Variants in TMEM232 observed in about 807,000 individuals in gnomAD.
TMEM232 encodes the protein transmembrane protein 232.
In TMEM232, 80 loss-of-function variants were observed where a neutral mutation model predicts 78.8. The observed-to-expected ratio is 1.01, with a 90% CI of 0.85 to 1.22. The LOEUF (loss-of-function observed/expected upper bound fraction) is 1.22, where lower values mean the gene tolerates loss of function less well. TMEM232 is among the 50% of genes most tolerant of loss of function. The probability of loss-of-function intolerance (pLI) is 0.00; values close to 1 mark genes in which losing one functional copy is unlikely to be tolerated. For missense variants in TMEM232, 881 were observed against 742.2 expected (o/e 1.19, Z -2.17); for synonymous variants, 297 against 254.3 (o/e 1.17, Z -1.60).
intron 12 of TMEM232, among the ~76,000 whole-genome samples, chr5:110,495,601 AT>A (rs1313054037): frequency 2.0e-5 from 3 of 152,064 alleles, no homozygotes; most frequent in Non-Finnish European, 4.4e-5. Context: ...TATAAAAATT[AT>A]GATTCTCTAG....
chr5:110,671,522 G>C (rs1257446904), intron 1 of TMEM232, among the ~76,000 whole-genome samples: 1 of 152,222 alleles, frequency 6.6e-6, no homozygotes, highest in Admixed American at 6.5e-5. Context: ...TGATAGATTG[G>C]ATAAAGAAAA....
intron 11 of TMEM232, among the ~76,000 whole-genome samples, chr5:110,530,102 G>T (rs1771210837): frequency 6.6e-6 from 1 of 152,056 alleles, no homozygotes; most frequent in Non-Finnish European, 1.5e-5. Context: ...CCTCTTTCAG[G>T]TTCCAAAATT....
At chr5:110,697,818 G>A (rs4957912) in intron 1 of TMEM232, among the ~76,000 whole-genome samples, 151,181 of 152,280 alleles carry the variant, frequency 0.99, 75,061 homozygotes, top group Non-Finnish European at 1. Context: ...GAGAAATAGG[G>A]ACACTTTTAC....
At chr5:110,543,399 C>G (rs1264837344) in intron 11 of TMEM232, among the ~76,000 whole-genome samples, 1 of 152,116 alleles carries the variant, frequency 6.6e-6, no homozygotes, top group Non-Finnish European at 1.5e-5. Flanking sequence ...TGTATACTTT[C>G]CTTATTTACG....
At chr5:110,658,587 T>C (rs1789392029) in intron 2 of TMEM232, among the ~76,000 whole-genome samples, 1 of 152,192 alleles carries the variant, frequency 6.6e-6, no homozygotes, top group African/African-American at 2.4e-5. Context: ...AAATGATTGC[T>C]GTTATACTTA....
chr5:110,438,506 C>G (rs200170727), intron 12 of TMEM232, among the ~76,000 whole-genome samples: 1 of 151,896 alleles, frequency 6.6e-6, no homozygotes, highest in Non-Finnish European at 1.5e-5. Context: ...TAACATTGTT[C>G]ATCTAATGTC....
intron 12 of TMEM232, among the ~76,000 whole-genome samples, chr5:110,437,339 AC>A (rs1203924002): frequency 1.3e-5 from 2 of 152,050 alleles, no homozygotes; most frequent in African/African-American, 4.8e-5. Flanking sequence ...ATAGAAAAAA[AC>A]ATACAGTGTA....
intron 1 of TMEM232, among the ~76,000 whole-genome samples, chr5:110,669,166 T>C (rs995801121): frequency 6.6e-6 from 1 of 151,588 alleles, no homozygotes; most frequent in African/African-American, 2.4e-5. Flanking sequence ...CAAAAAACAC[T>C]TCAAAAAAAT....
At chr5:110,443,110 G>A (rs182450787) in intron 12 of TMEM232, among the ~76,000 whole-genome samples, 42 of 152,260 alleles carry the variant, frequency 2.8e-4, no homozygotes, top group Admixed American at 4.6e-4. Context: ...ATTCAAGGCC[G>A]TGGGGCTCTA....
intron 12 of TMEM232, among the ~76,000 whole-genome samples, chr5:110,446,581 AC>A (rs552920988): frequency 7.3e-4 from 111 of 152,234 alleles, no homozygotes; most frequent in African/African-American, 2.6e-3. Flanking sequence ...GAGTGACTCC[AC>A]TGTTGCTAGT....
chr5:110,492,904 G>T (rs1271207270), intron 12 of TMEM232, among the ~76,000 whole-genome samples: 2 of 151,938 alleles, frequency 1.3e-5, no homozygotes. Flanking sequence ...TAATGTCAGG[G>T]ATTTACCTCA....
chr5:110,678,984 G>C (rs1472866209), intron 1 of TMEM232, among the ~76,000 whole-genome samples: 1 of 152,144 alleles, frequency 6.6e-6, no homozygotes, highest in South Asian at 2.1e-4. Context: ...AAACATTCAT[G>C]TGCAGGTTTT....
At chr5:110,608,771 A>G (rs1208661298) in intron 8 of TMEM232, among the ~76,000 whole-genome samples, 2 of 152,062 alleles carry the variant, frequency 1.3e-5, no homozygotes, top group African/African-American at 4.8e-5. Context: ...CAAAAGTAAA[A>G]TTGAAAATCA....
intron 2 of TMEM232, among the ~76,000 whole-genome samples, chr5:110,661,579 T>G (rs1356008276): frequency 6.6e-6 from 1 of 152,184 alleles, no homozygotes; most frequent in Non-Finnish European, 1.5e-5. Context: ...CCCAAAATGC[T>G]GGGATAACAG....
chr5:110,684,629 C>T (rs1023712656), intron 1 of TMEM232, among the ~76,000 whole-genome samples: 1 of 152,110 alleles, frequency 6.6e-6, no homozygotes, highest in Admixed American at 6.6e-5. Flanking sequence ...TTTTTAACTA[C>T]TGATAAGTAT....
intron 12 of TMEM232, among the ~76,000 whole-genome samples, chr5:110,449,348 T>C (rs1760010211): frequency 6.6e-6 from 1 of 152,012 alleles, no homozygotes; most frequent in Admixed American, 6.6e-5. Context: ...TACATATTCA[T>C]ACCCATAACG....
intron 9 of TMEM232, among the ~76,000 whole-genome samples, chr5:110,605,915 C>A (rs1232560125): frequency 1.3e-5 from 2 of 151,862 alleles, no homozygotes; most frequent in Non-Finnish European, 2.9e-5. Context: ...AATTTAATAA[C>A]CAACAATACA....
intron 11 of TMEM232, among the ~76,000 whole-genome samples, chr5:110,554,705 A>T (rs940429063): frequency 6.6e-6 from 1 of 152,098 alleles, no homozygotes; most frequent in Admixed American, 6.6e-5. Flanking sequence ...TTCCTCCTCA[A>T]TTTTTTGGAA....
chr5:110,446,383 A>C (rs533061671), intron 12 of TMEM232, among the ~76,000 whole-genome samples: 1 of 152,334 alleles, frequency 6.6e-6, no homozygotes, highest in African/African-American at 2.4e-5. Flanking sequence ...AGATTAAACA[A>C]GAAATACTTA....
Sources: gnomAD v4.1 joint callset for allele counts (sites outside exome capture counted in the v4.1 genomes callset) on GRCh38, gnomAD v4.1.1 for gene constraint, MANE v1.5 for transcripts, NCBI Gene and HGNC (gene_info 2026-07-23, HGNC 2026-07-21) for gene names.